The following CACNA2D3 variants were observed in gnomAD, a reference collection of about 807,000 sequenced individuals.
CACNA2D3 encodes the protein voltage-dependent calcium channel subunit alpha-2/delta-3.
CACNA2D3 carries 60 observed loss-of-function variants against 160.6 expected under a neutral mutation model. The observed-to-expected ratio is 0.37, with a 90% confidence interval of 0.30 to 0.46. CACNA2D3 has a LOEUF of 0.46. Ranked by LOEUF, CACNA2D3 falls within the 20% of genes least tolerant of loss-of-function variation. The pLI is 1.00. For synonymous variants in CACNA2D3, 558 were observed against 492.9 expected (o/e 1.13, Z -1.75); for missense variants, 1,205 against 1,365.0 (o/e 0.88, Z 1.85).
chr3:54,848,266 AC>A (rs1559603584), intron 17 of CACNA2D3, among the ~76,000 whole-genome samples: 1 of 152,224 alleles, frequency 6.6e-6, no homozygotes, highest in Non-Finnish European at 1.5e-5. Context: ...GGAAAAGCAG[AC>A]CAACTCCATC....
chr3:54,302,228 C>T (rs931695352), intron 2 of CACNA2D3, among the ~76,000 whole-genome samples: 7 of 152,254 alleles, frequency 4.6e-5, no homozygotes, highest in South Asian at 2.1e-4. Context: ...ATTTCTCCAC[C>T]GGAATAATTC....
At chr3:54,265,220 G>A (rs1702478358) in intron 2 of CACNA2D3, among the ~76,000 whole-genome samples, 2 of 152,106 alleles carry the variant, frequency 1.3e-5, no homozygotes, top group South Asian at 4.1e-4. Context: ...AAGCCTTCCT[G>A]TTTCTCCACA....
intron 2 of CACNA2D3, among the ~76,000 whole-genome samples, chr3:54,188,672 T>G (rs1405088878): frequency 6.6e-6 from 1 of 152,164 alleles, no homozygotes; most frequent in Non-Finnish European, 1.5e-5. Context: ...CGGCTGTAGT[T>G]TACTGTCGGC....
chr3:54,986,862 C>A (rs1048046335), intron 30 of CACNA2D3, among the ~76,000 whole-genome samples: 1 of 152,100 alleles, frequency 6.6e-6, no homozygotes, highest in Non-Finnish European at 1.5e-5. Context: ...CTGTTCCATG[C>A]ACTGCGTACG....
In CACNA2D3 at chr3:54,837,803, G is replaced by A. The variant is rs1698728319; in HGVS notation, c.1470+573G>A. ...CTGTTCCTCTTATATGTCTCTCTGT[G>A]TCCTTCCCTGTTGTAAGGAAATCAG... On this transcript the variant is annotated intron_variant, in intron 15 of 37. Coordinates refer to ENST00000474759, the MANE Select transcript of CACNA2D3 (RefSeq NM_018398.3). 2.6e-5 allele frequency among the ~76,000 whole-genome samples: 4 copies of A among 151,974 alleles called. No homozygotes were observed. The South Asian group carries it at 8.3e-4, about 32-fold the overall frequency.
At chr3:54,743,756 G>T (rs1319580392) in intron 11 of CACNA2D3, among the ~76,000 whole-genome samples, 1 of 152,156 alleles carries the variant, frequency 6.6e-6, no homozygotes, top group African/African-American at 2.4e-5. Context: ...GTCACCACTT[G>T]ATCTCTCAGT....
At position 55,031,171 on chromosome 3, in the gene CACNA2D3, T is replaced by A. The variant is rs117771226; in HGVS notation, c.2987+12854T>A. ...CAGAGCTGTGTCCACACTATTGACG[T>A]CTGCAAGTTGCATTTCTGCGGTGCA... On this transcript the variant is annotated intron_variant, in intron 35 of 37. Coordinates refer to ENST00000474759, the MANE Select transcript of CACNA2D3 (RefSeq NM_018398.3). Among the ~76,000 whole-genome samples the A allele has an allele frequency of 3.3e-5, 5 of 152,304 alleles. No homozygotes were observed. The East Asian group carries it at 9.7e-4, about 29-fold the overall frequency.
At chr3:54,794,924 G>A (rs1009068317) in intron 13 of CACNA2D3, among the ~76,000 whole-genome samples, 2 of 151,862 alleles carry the variant, frequency 1.3e-5, no homozygotes, top group African/African-American at 2.4e-5. Flanking sequence ...TTCTTGGATT[G>A]GTGGGTTTAT....
intron 4 of CACNA2D3, among the ~76,000 whole-genome samples, chr3:54,446,883 G>T (rs1340925807): frequency 6.6e-6 from 1 of 152,142 alleles, no homozygotes; most frequent in South Asian, 2.1e-4. Context: ...GGTATATGGG[G>T]CACCAAGTGA....
chr3:54,153,934 C>T (rs922725432), intron 2 of CACNA2D3, among the ~76,000 whole-genome samples: 1 of 152,142 alleles, frequency 6.6e-6, no homozygotes, highest in Non-Finnish European at 1.5e-5. Flanking sequence ...TCAGAGCGTC[C>T]ATTTTGGGTA....
intron 27 of CACNA2D3, among the ~76,000 whole-genome samples, chr3:54,909,198 C>T (rs998279558): frequency 1.1e-4 from 17 of 152,070 alleles, no homozygotes; most frequent in African/African-American, 1.7e-4. Flanking sequence ...TAAGTCAAGA[C>T]AGTGATTTAG....
At chr3:54,875,817 C>G (rs1403135866) in intron 18 of CACNA2D3, 1 of 152,266 alleles carries the variant, frequency 6.6e-6, no homozygotes, top group Non-Finnish European at 1.5e-5. Flanking sequence ...AGAGGCTGAT[C>G]ACTGTCGCCA....
At chr3:54,144,545 TG>T (rs1699991576) in intron 2 of CACNA2D3, among the ~76,000 whole-genome samples, 1 of 152,254 alleles carries the variant, frequency 6.6e-6, no homozygotes, top group African/African-American at 2.4e-5. Flanking sequence ...CAGGCTTGCC[TG>T]GGAGACCAGA....
intron 9 of CACNA2D3, among the ~76,000 whole-genome samples, chr3:54,621,914 T>C (rs766402565): frequency 1.3e-5 from 2 of 152,196 alleles, no homozygotes; most frequent in Non-Finnish European, 2.9e-5. Flanking sequence ...GAAATGAAAG[T>C]CTCACTTTTT....
At chr3:54,354,054 A>C (rs1036704228) in intron 3 of CACNA2D3, among the ~76,000 whole-genome samples, 4 of 152,058 alleles carry the variant, frequency 2.6e-5, no homozygotes, top group African/African-American at 9.7e-5. Context: ...GGCAGTTATC[A>C]TGTCTCTTTA....
At chr3:54,323,410 G>A (rs1194834989) in intron 3 of CACNA2D3, among the ~76,000 whole-genome samples, 1 of 151,830 alleles carries the variant, frequency 6.6e-6, no homozygotes, top group Non-Finnish European at 1.5e-5. Flanking sequence ...GCCACCCACT[G>A]GGCAGTGACC....
intron 13 of CACNA2D3, among the ~76,000 whole-genome samples, chr3:54,782,638 C>T (rs571953031): frequency 6.6e-6 from 1 of 152,156 alleles, no homozygotes; most frequent in East Asian, 1.9e-4. Flanking sequence ...GGTCAAGGCC[C>T]CTGCTGTAGG....
At chr3:55,016,687 G>A (rs141443887) in intron 34 of CACNA2D3, among the ~76,000 whole-genome samples, 208 of 152,286 alleles carry the variant, frequency 1.4e-3, no homozygotes, top group African/African-American at 4.7e-3. Flanking sequence ...TCCCCTTAAT[G>A]TCAGTGACCA....
intron 9 of CACNA2D3, among the ~76,000 whole-genome samples, chr3:54,598,307 CAAAAAAAAAA>C (rs10656534): frequency 1.2e-4 from 6 of 49,846 alleles, no homozygotes; most frequent in Admixed American, 3.5e-4. Flanking sequence ...CTCCGTCTCA[CAAAAAAAAAA>C]AAAAAAAAAA....
Sources: gnomAD v4.1 joint callset for allele counts (sites outside exome capture counted in the v4.1 genomes callset) on GRCh38, gnomAD v4.1.1 for gene constraint, MANE v1.5 for transcripts, NCBI Gene and HGNC (gene_info 2026-07-23, HGNC 2026-07-21) for gene names.